The following FHOD3 variants were observed in gnomAD, a reference collection of about 807,000 sequenced individuals.
The protein encoded by FHOD3 is formin homology 2 domain containing 3.
Under a neutral mutation model 173.0 loss-of-function variants are expected in FHOD3, and 90 were observed. The ratio of observed to expected loss-of-function variants is 0.52; its 90% confidence interval spans 0.44 to 0.62. The LOEUF is 0.62. Among genes scored for constraint, FHOD3 ranks in the 20% least tolerant of loss-of-function variants. The pLI is 0.00. For missense variants in FHOD3, 1,945 were observed against 2,034.7 expected, an observed-to-expected ratio of 0.96 and a Z score of 0.85; for synonymous variants, 828 against 823.0, an observed-to-expected ratio of 1.01 and a Z score of -0.10.
At chr18:36,620,026 A>G (rs2033575659) in intron 9 of FHOD3, among the ~76,000 whole-genome samples, 1 of 152,222 alleles carries the variant, frequency 6.6e-6, no homozygotes, top group Non-Finnish European at 1.5e-5. Flanking sequence ...CCAAACTCCC[A>G]CTGGCTGAAA....
intron 3 of FHOD3, among the ~76,000 whole-genome samples, chr18:36,393,814 A>T (rs1022665467): frequency 6.6e-6 from 1 of 152,166 alleles, no homozygotes; most frequent in African/African-American, 2.4e-5. Context: ...CAGGGTTGAT[A>T]TTAGGGTCCC....
intron 3 of FHOD3, among the ~76,000 whole-genome samples, chr18:36,447,010 ACC>A (rs1405446920): frequency 6.6e-6 from 1 of 152,134 alleles, no homozygotes; most frequent in Admixed American, 6.5e-5. Flanking sequence ...TTTGCCTAGG[ACC>A]TGCTGTGATC....
intron 16 of FHOD3, among the ~76,000 whole-genome samples, chr18:36,687,436 A>G (rs1202128123): frequency 6.6e-6 from 1 of 152,212 alleles, no homozygotes; most frequent in Non-Finnish European, 1.5e-5. Context: ...CATAGGGCAT[A>G]TATTTGAAAT....
At chr18:36,531,024 T>C (rs957630475) in intron 5 of FHOD3, among the ~76,000 whole-genome samples, 5 of 152,182 alleles carry the variant, frequency 3.3e-5, no homozygotes, top group African/African-American at 1.2e-4. Context: ...TAGTTCAGTG[T>C]CCAATGGCTG....
At chr18:36,492,566 A>G (rs2054525617) in intron 3 of FHOD3, among the ~76,000 whole-genome samples, 1 of 152,160 alleles carries the variant, frequency 6.6e-6, no homozygotes, top group South Asian at 2.1e-4. Flanking sequence ...CATAGCACCT[A>G]CCTAGTAGAT....
intron 6 of FHOD3, among the ~76,000 whole-genome samples, chr18:36,581,508 G>A (rs139313063): frequency 6.6e-6 from 1 of 152,276 alleles, no homozygotes; most frequent in East Asian, 1.9e-4. Context: ...GCCTTGCTCT[G>A]TCTAAGTTCC....
intron 5 of FHOD3, among the ~76,000 whole-genome samples, chr18:36,518,002 A>G (rs1028193422): frequency 6.6e-6 from 1 of 152,170 alleles, no homozygotes; most frequent in Non-Finnish European, 1.5e-5. Flanking sequence ...ATATCATGGA[A>G]AGAGATTTTA....
chr18:36,451,833 A>G (rs1289443277), intron 3 of FHOD3, among the ~76,000 whole-genome samples: 1 of 152,210 alleles, frequency 6.6e-6, no homozygotes, highest in East Asian at 1.9e-4. Flanking sequence ...TGTCATGGAT[A>G]CAGAATGAAT....
At chr18:36,536,193 C>A (rs1004052352) in intron 5 of FHOD3, among the ~76,000 whole-genome samples, 3 of 152,232 alleles carry the variant, frequency 2.0e-5, no homozygotes, top group Admixed American at 1.3e-4. Context: ...GTTTACCAAC[C>A]CTTGATTATG....
chr18:36,695,109 G>A (rs189176391), intron 17 of FHOD3, among the ~76,000 whole-genome samples: 2 of 152,006 alleles, frequency 1.3e-5, no homozygotes, highest in East Asian at 1.9e-4. Flanking sequence ...TTGGGAGGCC[G>A]AGGTGGGTGG....
intron 10 of FHOD3, among the ~76,000 whole-genome samples, chr18:36,639,716 G>A (rs1213919298): frequency 6.6e-6 from 1 of 151,360 alleles, no homozygotes; most frequent in Non-Finnish European, 1.5e-5. Flanking sequence ...CCAGCTACTC[G>A]GGAGGCTGAG....
At chr18:36,642,802 C>G (rs1404987596) in intron 10 of FHOD3, among the ~76,000 whole-genome samples, 1 of 152,056 alleles carries the variant, frequency 6.6e-6, no homozygotes, top group Non-Finnish European at 1.5e-5. Flanking sequence ...CTCTGTGCTT[C>G]CCAATCTCCC....
Position 36,418,904 on chromosome 18 carries a change from A to T in FHOD3, c.337+46160A>T, listed in dbSNP as rs79808286. Among the ~76,000 whole-genome samples, 519 of 152,204 alleles carry T rather than the reference A, an allele frequency of 3.4e-3. 3 individuals carry two copies. Among genetic ancestry groups the T allele is most frequent in the African/African-American group, 0.012 (500 of 41,518 alleles). ...ACTCCAGCCTGGGCGACAAAGTGAG[A>T]CCCTGTCTAAAAATAAAATTAATAA... On this transcript the variant is annotated intron_variant, in intron 3 of 28. Coordinates refer to ENST00000590592, the MANE Select transcript of FHOD3 (RefSeq NM_001281740.3).
Position 36,308,624 on chromosome 18 carries a change from C to T in FHOD3, c.165+10624C>T, listed in dbSNP as rs557890448. On this transcript the variant is annotated intron_variant, in intron 1 of 28. Coordinates refer to ENST00000590592, the MANE Select transcript of FHOD3 (RefSeq NM_001281740.3). ...ACCCGGGCTGTGCACTGAGCACCTT[C>T]GGACCCAGGACACTGTGGGTCTCAC... Among the ~76,000 whole-genome samples, 11 of 152,340 alleles carry T rather than the reference C, an allele frequency of 7.2e-5. 1 individual carries two copies. In the South Asian group the frequency reaches 1.2e-3, roughly 17 times the overall value.
At chr18:36,435,662 A>T (rs1330732398) in intron 3 of FHOD3, among the ~76,000 whole-genome samples, 1 of 152,200 alleles carries the variant, frequency 6.6e-6, no homozygotes. Flanking sequence ...ATGATATATG[A>T]AAAGCAACCC....
intron 14 of FHOD3, among the ~76,000 whole-genome samples, chr18:36,670,027 T>G (rs2037427664): frequency 6.6e-6 from 1 of 151,908 alleles, no homozygotes; most frequent in African/African-American, 2.4e-5. Context: ...TTGATAGCGT[T>G]TTTTTTTCTT....
At chr18:36,353,978 G>T (rs2046247939) in intron 1 of FHOD3, among the ~76,000 whole-genome samples, 2 of 143,732 alleles carry the variant, frequency 1.4e-5, no homozygotes, top group African/African-American at 5.2e-5. Context: ...AAAGAAAAGT[G>T]GACAGTTGTG....
intron 3 of FHOD3, among the ~76,000 whole-genome samples, chr18:36,421,673 C>A (rs532023324): frequency 6.6e-6 from 1 of 152,250 alleles, no homozygotes; most frequent in African/African-American, 2.4e-5. Context: ...AATAATTCTC[C>A]AGAATCAGCA....
chr18:36,556,719 A>G (rs1003761043), intron 5 of FHOD3, among the ~76,000 whole-genome samples: 2 of 152,146 alleles, frequency 1.3e-5, no homozygotes, highest in Non-Finnish European at 2.9e-5. Flanking sequence ...GTTTTTTTAA[A>G]TAAGGGGAAA....
Sources: gnomAD v4.1 joint callset for allele counts (sites outside exome capture counted in the v4.1 genomes callset) on GRCh38, gnomAD v4.1.1 for gene constraint, MANE v1.5 for transcripts, NCBI Gene and HGNC (gene_info 2026-07-23, HGNC 2026-07-21) for gene names.